Variants in KPNA6 observed in about 807,000 individuals in gnomAD.
The protein encoded by KPNA6 is karyopherin subunit alpha 6, also known as importin subunit alpha-7.
In KPNA6, 9 loss-of-function variants were observed where a neutral mutation model predicts 72.0. The observed-to-expected ratio is 0.13, with a 90% CI of 0.08 to 0.22. The LOEUF (loss-of-function observed/expected upper bound fraction) is 0.22, where lower values mean the gene tolerates loss of function less well. Among genes scored for constraint, KPNA6 ranks in the 10% least tolerant of loss-of-function variants. KPNA6 has a pLI of 1.00. For synonymous variants in KPNA6, 219 were observed against 242.1 expected (o/e 0.90, Z 0.89); for missense variants, 374 against 655.7 (o/e 0.57, Z 4.69).
At chr1:32,135,665 A>C (rs1288276266) in intron 1 of KPNA6, among the ~76,000 whole-genome samples, 1 of 148,368 alleles carries the variant, frequency 6.7e-6, no homozygotes. Flanking sequence ...GCAGGGTCTA[A>C]TTATTTTGCC....
In KPNA6 at chr1:32,170,918, G is replaced by C; in HGVS notation, c.*24G>C. 6.2e-7 allele frequency: 1 copy of C among 1,608,514 alleles called. No individual in the cohort carries two copies. Among genetic ancestry groups the C allele is most frequent in the Non-Finnish European group, 8.5e-7 (1 of 1,175,504 alleles). On this transcript the variant is annotated 3_prime_UTR_variant, in exon 14 of 14. Transcript: ENST00000373625. ...AATATCTGCCTCCAGGGAGGGGAGG[G>C]GATGGGAAGCACCACCAGCCAGCGG...
At chr1:32,164,265 G>C (rs185451902) in intron 10 of KPNA6, among the ~76,000 whole-genome samples, 15 of 152,198 alleles carry the variant, frequency 9.9e-5, no homozygotes, top group African/African-American at 3.4e-4. Context: ...ATATTCCACT[G>C]TATGTATATA....
Position 32,173,048 on chromosome 1 carries a change from G to C in KPNA6, c.*2154G>C, listed in dbSNP as rs1642466133. 1 of 397,800 alleles carries C rather than the reference G, an allele frequency of 2.5e-6. No homozygotes were observed. Among genetic ancestry groups the C allele is most frequent in the African/African-American group, 2.1e-5 (1 of 48,442 alleles). The allele number at this position is 397,800 out of a possible 1,614,324, so 24.6% of individuals were successfully genotyped here. A position where few individuals can be genotyped will look rare whatever the true frequency, so the allele number is the denominator to read the frequency against. ...CACCCATGTTGTACCACCTTGGTGAGTCATATGCCACTCATCAGCTTGGGA... is the reference window on the plus strand; with the variant it reads ...CACCCATGTTGTACCACCTTGGTGACTCATATGCCACTCATCAGCTTGGGA... On this transcript the variant is annotated 3_prime_UTR_variant, in exon 14 of 14. Transcript: ENST00000373625.
At chr1:32,168,176 A>G (rs1642372830) in intron 12 of KPNA6, among the ~76,000 whole-genome samples, 1 of 152,234 alleles carries the variant, frequency 6.6e-6, no homozygotes, top group Non-Finnish European at 1.5e-5. Flanking sequence ...TCAAACAAAA[A>G]AGCAGCTTCT....
intron 1 of KPNA6, among the ~76,000 whole-genome samples, chr1:32,113,136 A>G (rs1187073854): frequency 1.3e-5 from 2 of 152,160 alleles, no homozygotes; most frequent in Non-Finnish European, 2.9e-5. Context: ...CACGCCTATG[A>G]TGCCAGCACT....
At chr1:32,123,271 A>C (rs1641470116) in intron 1 of KPNA6, among the ~76,000 whole-genome samples, 2 of 152,118 alleles carry the variant, frequency 1.3e-5, no homozygotes, top group African/African-American at 4.8e-5. Flanking sequence ...GTGTTTCTCA[A>C]CTTTTTTTTA....
At position 32,169,873 on chromosome 1, in the gene KPNA6, G is replaced by C; in HGVS notation, c.1245-9G>C. Reference sequence around the variant, plus strand: ...CTAGTTTAGCACTTGCCTGGTCTCTGGCCCCTAGGTACCTGGTCTCACTGG... The same window carrying C: ...CTAGTTTAGCACTTGCCTGGTCTCTCGCCCCTAGGTACCTGGTCTCACTGG... On this transcript the variant is annotated splice_polypyrimidine_tract_variant and intron_variant, in intron 12 of 13. Transcript: ENST00000373625. 1 of 1,612,574 alleles carries C rather than the reference G, an allele frequency of 6.2e-7. No homozygotes were observed. Among genetic ancestry groups the C allele is most frequent in the African/African-American group, 1.3e-5 (1 of 74,982 alleles).
At chr1:32,153,091 G>A (rs1242515995) in intron 1 of KPNA6, among the ~76,000 whole-genome samples, 1 of 149,848 alleles carries the variant, frequency 6.7e-6, no homozygotes, top group African/African-American at 2.4e-5. Flanking sequence ...TAGAAAAAAT[G>A]TAGAAAGGGG....
intron 1 of KPNA6, among the ~76,000 whole-genome samples, chr1:32,114,455 T>A (rs200283426): frequency 0.12 from 16,619 of 141,194 alleles, 1,132 homozygotes; most frequent in East Asian, 0.26. Flanking sequence ...AAAAAAAATA[T>A]ATATATATAT....
chr1:32,173,169 A>G lies in KPNA6; in HGVS notation c.*2275A>G, dbSNP rs1376314160. 2.7e-6 allele frequency: 1 copy of G among 376,886 alleles called. No individual in the cohort carries two copies. Among genetic ancestry groups the G allele is most frequent in the African/African-American group, 2.4e-5 (1 of 40,834 alleles). 23.3% of individuals were successfully genotyped at this position (376,886 alleles called of 1,614,324 possible). A position where few individuals can be genotyped will look rare whatever the true frequency, so the allele number is the denominator to read the frequency against. On this transcript the variant is annotated 3_prime_UTR_variant, in exon 14 of 14. Transcript: ENST00000373625. ...CTCCATTAAAAAACCATTCTCTTAC[A>G]GTTTAAAAAAAAAAAAAAAAAAAAA... is the stretch of plus-strand genomic sequence containing the variant.
At chr1:32,150,989 A>T (rs1460739203) in intron 1 of KPNA6, among the ~76,000 whole-genome samples, 1 of 152,076 alleles carries the variant, frequency 6.6e-6, no homozygotes, top group Non-Finnish European at 1.5e-5. Flanking sequence ...CGGTGCAGTC[A>T]TAGCTCACTG....
chr1:32,114,534 A>G (rs1009697033), intron 1 of KPNA6, among the ~76,000 whole-genome samples: 13 of 152,030 alleles, frequency 8.6e-5, no homozygotes, highest in African/African-American at 2.9e-4. Context: ...TTTATAAAGC[A>G]TAAACACAGT....
chr1:32,125,979 TAA>T lies in KPNA6; in HGVS notation c.4+17866_4+17867del, dbSNP rs75504815. Reference sequence around the variant, plus strand: ...AAATGTGTTTTGAGACTATATTTACTAAAAAAAAAAAAAAAAAAAAAACCTGT... The same window carrying T: ...AAATGTGTTTTGAGACTATATTTACTAAAAAAAAAAAAAAAAAAAACCTGT... On this transcript the variant is annotated intron_variant, in intron 1 of 13. Transcript: ENST00000373625. 1.8e-3 allele frequency among the ~76,000 whole-genome samples: 183 copies of T among 98,968 alleles called. 1 individual carries two copies. Among genetic ancestry groups the T allele is most frequent in the African/African-American group, 6.0e-3 (160 of 26,450 alleles). 64.9% of individuals were successfully genotyped at this position (98,968 alleles called of 152,430 possible). A position where few individuals can be genotyped will look rare whatever the true frequency, so the allele number is the denominator to read the frequency against.
chr1:32,150,345 C>G (rs953235468), intron 1 of KPNA6, among the ~76,000 whole-genome samples: 1 of 151,820 alleles, frequency 6.6e-6, no homozygotes, highest in African/African-American at 2.4e-5. Flanking sequence ...ATTGGCCAGG[C>G]TGGTCTGGAA....
At chr1:32,158,904 A>G (rs564316076) in intron 5 of KPNA6, among the ~76,000 whole-genome samples, 6 of 152,374 alleles carry the variant, frequency 3.9e-5, no homozygotes, top group East Asian at 1.9e-4. Flanking sequence ...ATCAGAGGCT[A>G]TAGTCCACTA....
intron 1 of KPNA6, among the ~76,000 whole-genome samples, chr1:32,133,141 T>G (rs981235441): frequency 1.3e-5 from 2 of 151,484 alleles, no homozygotes; most frequent in Admixed American, 6.6e-5. Context: ...CCCAGGAATT[T>G]GAGACTAGCC....
chr1:32,110,056 ATTTTTTTTT>A (rs750004100), intron 1 of KPNA6, among the ~76,000 whole-genome samples: 1 of 118,308 alleles, frequency 8.5e-6, no homozygotes, highest in Non-Finnish European at 1.7e-5. Flanking sequence ...CTGGAATTGA[ATTTTTTTTT>A]TTTTTTTTTT....
rs199592563 is a variant in KPNA6, at chr1:32,152,024, C to T, written c.5-2564C>T. ...TAAGGAAAACATTAGTGAAGTGAAA[C>T]ATTAATAGAAGATTTGAACAACATG... On this transcript the variant is annotated intron_variant, in intron 1 of 13. Transcript: ENST00000373625. 5.9e-5 allele frequency among the ~76,000 whole-genome samples: 9 copies of T among 152,248 alleles called. No homozygotes were observed. In the East Asian group the frequency reaches 1.7e-3, roughly 29 times the overall value.
intron 1 of KPNA6, among the ~76,000 whole-genome samples, chr1:32,120,574 A>T (rs190101123): frequency 2.7e-5 from 4 of 146,052 alleles, no homozygotes; most frequent in African/African-American, 1.0e-4. Flanking sequence ...TAATTAATTA[A>T]TTATTTTTTT....
Sources: allele counts gnomAD v4.1 joint callset (sites outside exome capture counted in the v4.1 genomes callset), GRCh38; gene constraint gnomAD v4.1.1; transcripts MANE v1.5; gene names NCBI Gene and HGNC (gene_info 2026-07-23, HGNC 2026-07-21).